Variants in EPHA6 observed in about 807,000 individuals in gnomAD.
EPHA6 encodes the protein ephrin type-A receptor 6.
In EPHA6, 50 loss-of-function variants were observed where a neutral mutation model predicts 112.0. The observed-to-expected ratio is 0.45, with a 90% confidence interval of 0.36 to 0.56. The LOEUF (loss-of-function observed/expected upper bound fraction) is 0.56, where lower values mean the gene tolerates loss of function less well. Ranked by LOEUF, EPHA6 falls within the 20% of genes least tolerant of loss-of-function variation. EPHA6 has a pLI of 0.00. For missense variants in EPHA6, 1,280 were observed against 1,417.4 expected (o/e 0.90, Z 1.56); for synonymous variants, 529 against 490.7 (o/e 1.08, Z -1.03).
In EPHA6 at chr3:97,063,185, C is replaced by T. The variant is rs866378788; in HGVS notation, c.1114+75192C>T. Among the ~76,000 whole-genome samples, 10 of 152,196 alleles carry T rather than the reference C, an allele frequency of 6.6e-5. No homozygotes were observed. The South Asian group carries it at 2.1e-3, about 32-fold the overall frequency. On this transcript the variant is annotated intron_variant, in intron 3 of 17. Coordinates refer to ENST00000389672, the MANE Select transcript of EPHA6 (RefSeq NM_001080448.3). ...GAGACAGAAATATCATTTGACTCAG[C>T]AATCCCATTATTGAGTATATACCCA...
chr3:97,211,963 T>G (rs1405686823), intron 3 of EPHA6, among the ~76,000 whole-genome samples: 1 of 152,214 alleles, frequency 6.6e-6, no homozygotes, highest in South Asian at 2.1e-4. Flanking sequence ...TCAATAATTA[T>G]AAATGGTTTT....
At chr3:97,298,758 A>G (rs965455730) in intron 5 of EPHA6, among the ~76,000 whole-genome samples, 1 of 152,148 alleles carries the variant, frequency 6.6e-6, no homozygotes, top group African/African-American at 2.4e-5. Flanking sequence ...ATATATATTG[A>G]AAGGTTTTTA....
intron 2 of EPHA6, among the ~76,000 whole-genome samples, chr3:96,893,020 C>A (rs1292461826): frequency 2.0e-5 from 3 of 151,194 alleles, no homozygotes; most frequent in African/African-American, 2.4e-5. Flanking sequence ...TCATGTGCCA[C>A]AAAACCACAT....
At chr3:97,109,809 G>GC (rs2047671018) in intron 3 of EPHA6, among the ~76,000 whole-genome samples, 1 of 152,170 alleles carries the variant, frequency 6.6e-6, no homozygotes, top group African/African-American at 2.4e-5. Context: ...ATATGGCCTA[G>GC]CAGAGGATAG....
chr3:96,841,606 C>T (rs1432277346), intron 1 of EPHA6, among the ~76,000 whole-genome samples: 1 of 152,052 alleles, frequency 6.6e-6, no homozygotes, highest in African/African-American at 2.4e-5. Flanking sequence ...CAGCAGCAGT[C>T]AGATTGGTGG....
At chr3:96,941,428 G>A (rs1034010714) in intron 2 of EPHA6, among the ~76,000 whole-genome samples, 25 of 152,050 alleles carry the variant, frequency 1.6e-4, no homozygotes, top group African/African-American at 6.0e-4. Context: ...CGTAGTTCTC[G>A]AGCCTTGGCT....
At chr3:97,077,674 G>T (rs898569974) in intron 3 of EPHA6, among the ~76,000 whole-genome samples, 1 of 151,940 alleles carries the variant, frequency 6.6e-6, no homozygotes, top group African/African-American at 2.4e-5. Flanking sequence ...ATAGTTTGCT[G>T]AGAATGATGG....
At chr3:96,985,978 C>A (rs1250897048) in intron 2 of EPHA6, among the ~76,000 whole-genome samples, 1 of 151,988 alleles carries the variant, frequency 6.6e-6, no homozygotes, top group Non-Finnish European at 1.5e-5. Flanking sequence ...ACCAATAGAA[C>A]CCTTATTCAC....
intron 3 of EPHA6, among the ~76,000 whole-genome samples, chr3:97,103,624 CT>C (rs1188175113): frequency 6.6e-6 from 1 of 151,938 alleles, no homozygotes; most frequent in Non-Finnish European, 1.5e-5. Context: ...TATTTGGGCT[CT>C]TTTTTGGTTC....
At chr3:97,218,198 G>A (rs2078087246) in intron 3 of EPHA6, among the ~76,000 whole-genome samples, 2 of 152,002 alleles carry the variant, frequency 1.3e-5, no homozygotes, top group Admixed American at 6.6e-5. Context: ...CTGAGCTTGG[G>A]AGGTGGAGGC....
At chr3:96,857,991 A>G (rs1442536471) in intron 1 of EPHA6, among the ~76,000 whole-genome samples, 2 of 151,988 alleles carry the variant, frequency 1.3e-5, no homozygotes, top group African/African-American at 4.8e-5. Flanking sequence ...GTTCAGCTCT[A>G]CCTTTTTTAG....
chr3:97,174,357 C>T (rs183525135), intron 3 of EPHA6, among the ~76,000 whole-genome samples: 3 of 152,046 alleles, frequency 2.0e-5, no homozygotes, highest in Admixed American at 1.3e-4. Context: ...CTGCAACAAA[C>T]ATAGGAGTGC....
chr3:97,486,652 C>T (rs2091706668), intron 10 of EPHA6, among the ~76,000 whole-genome samples: 1 of 152,182 alleles, frequency 6.6e-6, no homozygotes, highest in African/African-American at 2.4e-5. Flanking sequence ...GCTGAGCCCT[C>T]ATGATCTAAT....
At chr3:97,530,450 T>G (rs1055532209) in intron 10 of EPHA6, among the ~76,000 whole-genome samples, 8 of 151,998 alleles carry the variant, frequency 5.3e-5, no homozygotes, top group African/African-American at 4.8e-5. Context: ...GCTGTGACAT[T>G]ATCAGTTTGC....
intron 3 of EPHA6, among the ~76,000 whole-genome samples, chr3:97,001,794 C>CA (rs1452661413): frequency 1.3e-5 from 2 of 151,826 alleles, no homozygotes; most frequent in Non-Finnish European, 2.9e-5. Context: ...CATGCTGTAC[C>CA]AAAAATAGAT....
rs1361667636 is a variant in EPHA6 at position 97,604,625 on chromosome 3, A to G, written c.2513-6168A>G. On this transcript the variant is annotated intron_variant, in intron 12 of 17. Coordinates refer to ENST00000389672, the MANE Select transcript of EPHA6 (RefSeq NM_001080448.3). ...TAGTGACAAACATTGTGCTAATTATATATTTTCTCATCCGATTATTTCAAA... is the reference window on the plus strand; with the variant it reads ...TAGTGACAAACATTGTGCTAATTATGTATTTTCTCATCCGATTATTTCAAA... Among the ~76,000 whole-genome samples the G allele has an allele frequency of 2.0e-5, 3 of 151,700 alleles. No individual in the cohort carries two copies. The East Asian group carries it at 5.8e-4, about 29-fold the overall frequency.
chr3:97,340,271 G>A (rs880195), intron 5 of EPHA6, among the ~76,000 whole-genome samples: 6,575 of 152,188 alleles, frequency 0.043, 436 homozygotes, highest in African/African-American at 0.14. Context: ...ACAACCACCC[G>A]TGGTTGGAGG....
At chr3:97,291,258 T>C (rs2080671223) in intron 5 of EPHA6, among the ~76,000 whole-genome samples, 1 of 152,214 alleles carries the variant, frequency 6.6e-6, no homozygotes, top group African/African-American at 2.4e-5. Context: ...AGATTTCAAT[T>C]TTTACATTTT....
intron 10 of EPHA6, among the ~76,000 whole-genome samples, chr3:97,495,738 A>G (rs574029811): frequency 1.3e-5 from 2 of 152,178 alleles, no homozygotes; most frequent in East Asian, 1.9e-4. Flanking sequence ...ATCATTTAGT[A>G]TACTCTCTAA....
Sources: allele counts gnomAD v4.1 joint callset (sites outside exome capture counted in the v4.1 genomes callset), GRCh38; gene constraint gnomAD v4.1.1; transcripts MANE v1.5; gene names NCBI Gene and HGNC (gene_info 2026-07-23, HGNC 2026-07-21).